The following PLXNA4 variants were observed in gnomAD, a reference collection of about 807,000 sequenced individuals.
The protein encoded by PLXNA4 is plexin A4.
Under a neutral mutation model 191.8 loss-of-function variants are expected in PLXNA4, and 44 were observed. The ratio of observed to expected loss-of-function variants is 0.23; its 90% CI spans 0.18 to 0.29. The LOEUF is 0.29. Ranked by LOEUF, PLXNA4 falls within the 10% of genes least tolerant of loss-of-function variation. PLXNA4 has a pLI of 1.00. For missense variants in PLXNA4, 1,800 were observed against 2,488.8 expected (o/e 0.72, Z 5.89); for synonymous variants, 1,082 against 1,009.5 (o/e 1.07, Z -1.36).
intron 1 of PLXNA4, among the ~76,000 whole-genome samples, chr7:132,533,310 T>C (rs1388360631): frequency 6.6e-6 from 1 of 152,140 alleles, no homozygotes; most frequent in Non-Finnish European, 1.5e-5. Context: ...GCCCTTGCAG[T>C]GCTCTGAGGT....
intron 1 of PLXNA4, among the ~76,000 whole-genome samples, chr7:132,516,666 A>C (rs1798953629): frequency 6.6e-6 from 1 of 152,166 alleles, no homozygotes; most frequent in South Asian, 2.1e-4. Context: ...AGAGCAAAAA[A>C]CAGTGTCCCT....
intron 29 of PLXNA4, among the ~76,000 whole-genome samples, chr7:132,144,650 G>A (rs1473417388): frequency 1.3e-5 from 2 of 152,096 alleles, no homozygotes; most frequent in African/African-American, 2.4e-5. Context: ...GGTTGCACAC[G>A]ACACATCCTC....
chr7:132,426,308 C>A (rs995765527), intron 3 of PLXNA4, among the ~76,000 whole-genome samples: 3 of 152,198 alleles, frequency 2.0e-5, no homozygotes, highest in African/African-American at 7.2e-5. Flanking sequence ...GGGGTCCTCT[C>A]CCTCAGGAAC....
In PLXNA4 at chr7:132,507,802, T is replaced by C. The variant is rs1230265781; in HGVS notation, c.892A>G (p.Ile298Val). The C allele has an allele frequency of 6.2e-7, 1 of 1,614,118 alleles. No individual in the cohort carries two copies. Among genetic ancestry groups the C allele is most frequent in the East Asian group, 2.2e-5 (1 of 44,868 alleles). ...TAFNSYVEVP[I>V]GCERSGVEYR... ...TCCACCCCACTGCGCTCACAGCCAA[T>C]GGGCACCTCTACATAGGAGTTGAAG... Residue 298 changes from isoleucine (I) to valine (V), a missense_variant, in exon 2 of 32, where the codon ATT becomes GTT. By Grantham distance (29) the Ile-to-Val change is conservative (BLOSUM62 3). Around this residue, in one of 6 missense-constraint regions of PLXNA4, gnomAD observed 1,397 missense variants for 1,880.4 expected, o/e 0.74. Coordinates refer to ENST00000321063, the MANE Select transcript of PLXNA4 (RefSeq NM_020911.2).
intron 20 of PLXNA4, among the ~76,000 whole-genome samples, chr7:132,178,486 T>C (rs1218190115): frequency 6.6e-6 from 1 of 152,114 alleles, no homozygotes; most frequent in Non-Finnish European, 1.5e-5. Context: ...CTGCCACACA[T>C]AAAAGAGATT....
At chr7:132,595,386 C>T (rs903662974) in intron 2 of PLXNA4, among the ~76,000 whole-genome samples, 1 of 152,126 alleles carries the variant, frequency 6.6e-6, no homozygotes, top group Non-Finnish European at 1.5e-5. Context: ...GGGATGATGC[C>T]TCATGGAGAC....
chr7:132,480,280 G>A (rs561603980), intron 3 of PLXNA4, among the ~76,000 whole-genome samples: 99 of 152,330 alleles, frequency 6.5e-4, no homozygotes, highest in African/African-American at 2.3e-3. Flanking sequence ...AGAAGCTCAG[G>A]TTTGGGGGAT....
At chr7:132,522,504 C>G (rs1799228937) in intron 1 of PLXNA4, among the ~76,000 whole-genome samples, 1 of 152,218 alleles carries the variant, frequency 6.6e-6, no homozygotes, top group Admixed American at 6.5e-5. Context: ...TGTGTTGACT[C>G]ACGCCTGTAA....
intron 1 of PLXNA4, chr7:132,646,115 G>C (rs1214410189): frequency 1.3e-5 from 2 of 152,494 alleles, no homozygotes; most frequent in African/African-American, 4.8e-5. Context: ...AGTGATCTAC[G>C]GTATTATTCT....
intron 3 of PLXNA4, among the ~76,000 whole-genome samples, chr7:132,427,026 G>A (rs763239089): frequency 3.9e-5 from 6 of 152,158 alleles, no homozygotes; most frequent in Admixed American, 1.3e-4. Flanking sequence ...ATGGGGCCCA[G>A]GAGGGGATTC....
chr7:132,456,529 G>A (rs1796322807), intron 3 of PLXNA4, among the ~76,000 whole-genome samples: 1 of 152,172 alleles, frequency 6.6e-6, no homozygotes, highest in South Asian at 2.1e-4. Flanking sequence ...TAATCAACCG[G>A]GTCTGGACAG....
chr7:132,452,942 G>A (rs1324542500), intron 3 of PLXNA4, among the ~76,000 whole-genome samples: 1 of 152,148 alleles, frequency 6.6e-6, no homozygotes, highest in African/African-American at 2.4e-5. Flanking sequence ...CGGGAACCTG[G>A]GGGTTCAGAA....
chr7:132,161,514 G>T (rs1208420644), intron 24 of PLXNA4, among the ~76,000 whole-genome samples: 1 of 152,202 alleles, frequency 6.6e-6, no homozygotes, highest in Non-Finnish European at 1.5e-5. Context: ...AGCACTTGGG[G>T]GCTTTGTTGA....
intron 16 of PLXNA4, among the ~76,000 whole-genome samples, chr7:132,183,316 T>C (rs934515429): frequency 1.1e-4 from 17 of 152,208 alleles, no homozygotes; most frequent in African/African-American, 4.1e-4. Context: ...TGTCTAGCCA[T>C]CTTCCCTGTC....
At chr7:132,168,232 G>A in intron 22 of PLXNA4, 72 bp downstream of exon 22, 5 of 1,443,224 alleles carry the variant, frequency 3.5e-6, no homozygotes, top group Non-Finnish European at 4.6e-6. Flanking sequence ...CTCCACCCGA[G>A]TCTCCCTGCA....
intron 2 of PLXNA4, among the ~76,000 whole-genome samples, chr7:132,593,076 G>C (rs7781482): frequency 0.73 from 111,364 of 152,100 alleles, 41,900 homozygotes; most frequent in South Asian, 0.88. Flanking sequence ...ATAAACCAGA[G>C]GTGGACTAAT....
chr7:132,510,997 C>A (rs751594381), intron 1 of PLXNA4, among the ~76,000 whole-genome samples: 7 of 151,338 alleles, frequency 4.6e-5, no homozygotes, highest in Admixed American at 1.3e-4. Context: ...CAGAGAGGAG[C>A]CTCTCCCTTT....
Position 132,298,114 on chromosome 7 carries a change from G to A in PLXNA4, c.1480C>T (p.Leu494Phe). The A allele has an allele frequency of 1.2e-6, 2 of 1,614,194 alleles. No homozygotes were observed. Among genetic ancestry groups the A allele is most frequent in the Non-Finnish European group, 1.7e-6 (2 of 1,180,040 alleles). Residue 494 changes from leucine (L) to phenylalanine (F), a missense_variant, in exon 4 of 32, where the codon CTC becomes TTC. Leu to Phe is a conservative substitution (Grantham distance 22). This residue lies in a region of PLXNA4 where 1,397 missense variants were observed against 1,880.4 expected (regional missense o/e 0.74). Coordinates refer to ENST00000321063, the MANE Select transcript of PLXNA4 (RefSeq NM_020911.2). ...DMAFSKDHEQLYIMSERQLTR... is the reference protein window; with the variant it reads ...DMAFSKDHEQFYIMSERQLTR... ...ACCTGCCTCTCTGACATGATGTAGA[G>A]TTGCTCGTGGTCCTTGGAGAAGGCC...
intron 2 of PLXNA4, among the ~76,000 whole-genome samples, chr7:132,611,798 C>G (rs1226526392): frequency 6.6e-6 from 1 of 152,136 alleles, no homozygotes; most frequent in Non-Finnish European, 1.5e-5. Context: ...CCTTGATGCT[C>G]TCAGCTAAAA....
Sources: allele counts gnomAD v4.1 joint callset (sites outside exome capture counted in the v4.1 genomes callset), GRCh38; gene constraint gnomAD v4.1.1; regional missense constraint gnomAD v4.1.1; transcripts MANE v1.5; gene names NCBI Gene and HGNC (gene_info 2026-07-23, HGNC 2026-07-21).